Variants in LAMC2 observed in about 807,000 individuals in gnomAD.
The protein encoded by LAMC2 is laminin subunit gamma-2.
Under a neutral mutation model 140.2 loss-of-function variants are expected in LAMC2, and 97 were observed. That is an observed-to-expected ratio of 0.69 (90% CI 0.59 to 0.82). LAMC2 has a LOEUF of 0.82. Among genes scored for constraint, LAMC2 ranks in the 40% least tolerant of loss-of-function variants. LAMC2 has a pLI of 0.00. For missense variants in LAMC2, 1,402 were observed against 1,476.1 expected (o/e 0.95, Z 0.82); for synonymous variants, 513 against 540.2 (o/e 0.95, Z 0.70).
At chr1:183,250,595 C>T in the LAMC2 span, 2 of 152,588 alleles carry the variant, frequency 1.3e-5, no homozygotes, top group East Asian at 3.9e-4. Context: ...TGCTGGCTGA[C>T]CTGGACCAGC....
chr1:183,254,918 T>G, the LAMC2 span, among the ~76,000 whole-genome samples: 2 of 152,230 alleles, frequency 1.3e-5, no homozygotes, highest in Admixed American at 6.5e-5. Context: ...CTTTTTAGTT[T>G]GAAGTCCCAT....
chr1:183,215,653 A>C, intron 3 of LAMC2, 65 bp downstream of exon 3: 1 of 1,592,600 alleles, frequency 6.3e-7, no homozygotes. Context: ...AAACCTTAGC[A>C]AACACTTGTA....
the LAMC2 span, among the ~76,000 whole-genome samples, chr1:183,254,795 T>G: frequency 6.6e-6 from 1 of 152,240 alleles, no homozygotes; most frequent in African/African-American, 2.4e-5. Context: ...TTGTGTAAGT[T>G]CTTTATAAAT....
chr1:183,239,363 G>T lies in LAMC2; in HGVS notation c.2870-1G>T. 1 of 1,613,962 alleles carries T rather than the reference G, an allele frequency of 6.2e-7. No individual in the cohort carries two copies. Among genetic ancestry groups the T allele is most frequent in the Non-Finnish European group, 8.5e-7 (1 of 1,179,932 alleles). On this transcript the variant is annotated splice_acceptor_variant, in intron 19 of 22. Transcript: ENST00000264144. LOFTEE classifies it high-confidence loss of function. ...GCAGTTTTTTCTTTTCTTCATTTCAGAGTTTGACCTGCAGGTGGACAACAG... is the reference window on the plus strand; with the variant it reads ...GCAGTTTTTTCTTTTCTTCATTTCATAGTTTGACCTGCAGGTGGACAACAG...
intron 2 of LAMC2, 61 bp downstream of exon 2, chr1:183,208,130 G>T: frequency 7.0e-7 from 1 of 1,420,916 alleles, no homozygotes. Flanking sequence ...CAAGAGGGAA[G>T]GAAGGAAGGA....
intron 9 of LAMC2, 146 bp downstream of exon 9, chr1:183,227,062 G>A: frequency 1.5e-6 from 1 of 677,236 alleles, no homozygotes; most frequent in Non-Finnish European, 2.5e-6. Flanking sequence ...TGGACATGGT[G>A]CCTTATTACA....
chr1:183,237,254 G>C, intron 17 of LAMC2, 98 bp from the exon 18 acceptor site: 1 of 1,371,820 alleles, frequency 7.3e-7, no homozygotes, highest in Non-Finnish European at 1.0e-6. Context: ...GCTTCTTAAG[G>C]CTGTTGCTAT....
chr1:183,239,694 G>A lies in LAMC2; in HGVS notation c.3069+131G>A, dbSNP rs1388830966. 3.0e-5 allele frequency: 23 copies of A among 778,046 alleles called. 1 individual carries two copies. The highest frequency in any genetic ancestry group is 4.2e-5 in the Non-Finnish European group (20 of 475,358). The allele number at this position is 778,046 out of a possible 1,614,324, so 48.2% of individuals were successfully genotyped here. On this transcript the variant is annotated intron_variant, in intron 20 of 22. Transcript: ENST00000264144. ...CCTGTTGTGGCCCATGGGAGCCCCA[G>A]ATTAAAAGACTATGGTAGCAAAGAC...
Position 183,236,484 on chromosome 1 carries a change from C to T in LAMC2, c.2481C>T (p.Ala827=). 1 of 1,613,898 alleles carries T rather than the reference C, an allele frequency of 6.2e-7. No homozygotes were observed. Among genetic ancestry groups the T allele is most frequent in the Admixed American group, 1.7e-5 (1 of 59,980 alleles). The change falls in exon 17 of 23, where the codon GCC becomes GCT. Residue 827 remains alanine, a synonymous_variant. Coordinates refer to ENST00000264144, the MANE Select transcript of LAMC2 (RefSeq NM_005562.3). Reference sequence around the variant, plus strand: ...GATTGGAGAAAACCAAGTCCCTGGCCCAGCAGTTGACAAGGGAGGCCACTC... The same window carrying T: ...GATTGGAGAAAACCAAGTCCCTGGCTCAGCAGTTGACAAGGGAGGCCACTC... ...VEKLEKTKSL[A]QQLTREATQA...
rs1481289907 is a variant in LAMC2, at chr1:183,237,446, T to C, written c.2696T>C (p.Leu899Pro). The C allele has an allele frequency of 6.8e-6, 11 of 1,614,072 alleles. No homozygotes were observed. Among genetic ancestry groups the C allele is most frequent in the Non-Finnish European group, 9.3e-6 (11 of 1,179,988 alleles). The change falls in exon 18 of 23, where the codon CTG (leucine) becomes CCG (proline). Residue 899 changes from leucine to proline, a missense_variant. Leu to Pro is a moderately conservative substitution (Grantham distance 98, BLOSUM62 -3). This residue lies in a region of LAMC2 where 670 missense variants were observed against 667.2 expected (regional missense o/e 1.00). Coordinates refer to ENST00000264144, the MANE Select transcript of LAMC2 (RefSeq NM_005562.3). ...MDEFKRTQKN[L>P]GNWKEEAQQL... is the part of the protein sequence containing the mutation. ...GAGTTCAAGCGTACACAGAAGAATC[T>C]GGGAAACTGGAAAGAAGAAGCACAG...
intron 2 of LAMC2, among the ~76,000 whole-genome samples, chr1:183,210,996 G>C (rs1002088227): frequency 1.3e-5 from 2 of 152,180 alleles, no homozygotes; most frequent in African/African-American, 4.8e-5. Context: ...ACTTGACAGG[G>C]AAATCTGTTG....
chr1:183,201,906 T>C (rs1442498967), intron 1 of LAMC2, among the ~76,000 whole-genome samples: 2 of 152,164 alleles, frequency 1.3e-5, no homozygotes, highest in Non-Finnish European at 2.9e-5. Context: ...ATCAGTTTCA[T>C]TAAAAATGGC....
At chr1:183,210,502 G>T (rs1355765897) in intron 2 of LAMC2, among the ~76,000 whole-genome samples, 1 of 152,116 alleles carries the variant, frequency 6.6e-6, no homozygotes, top group East Asian at 1.9e-4. Context: ...TTAATGAATG[G>T]CCTAAAGTCT....
chr1:183,238,377 A>G lies in LAMC2; in HGVS notation c.2825A>G (p.Asn942Ser), dbSNP rs1401370547. ...GCACAAGAAGCACTGAGTATGGGCA[A>G]TGCCACTTTTTATGAAGTTGAGAGC... ...SRAQEALSMG[N>S]ATFYEVESIL... The change falls in exon 19 of 23, where the codon AAT becomes AGT. Residue 942 changes from asparagine to serine, a missense_variant. Physicochemically the swap from Asn to Ser is conservative, Grantham distance 46 (BLOSUM62 1). Coordinates refer to ENST00000264144, the MANE Select transcript of LAMC2 (RefSeq NM_005562.3). 5 of 1,613,954 alleles carry G rather than the reference A, an allele frequency of 3.1e-6. No homozygotes were observed. The highest frequency in any genetic ancestry group is 4.2e-6 in the Non-Finnish European group (5 of 1,179,952).
In LAMC2 at chr1:183,232,824, C is replaced by A. The variant is rs371132222; in HGVS notation, c.2187C>A (p.Ser729Arg). The change falls in exon 14 of 23, where the codon AGC becomes AGA. Residue 729 changes from serine to arginine, a missense_variant. Ser to Arg is a moderately radical substitution (Grantham distance 110). Coordinates refer to ENST00000264144, the MANE Select transcript of LAMC2 (RefSeq NM_005562.3). ...THRLITQMQL[S>R]LAESEASLGN... ...GGCTCATCACTCAGATGCAGCTGAG[C>A]CTGGCAGAAAGTGAAGCTTCCTTGG... 3.1e-6 allele frequency: 5 copies of A among 1,613,956 alleles called. No individual in the cohort carries two copies. The highest frequency in any genetic ancestry group is 4.2e-6 in the Non-Finnish European group (5 of 1,179,968).
the LAMC2 span, chr1:183,252,304 C>T: frequency 1.5e-5 from 4 of 260,764 alleles, no homozygotes; most frequent in Admixed American, 5.0e-5. Flanking sequence ...CCAGAGCCGC[C>T]TCCCCAGAGC....
In LAMC2 at chr1:183,243,632, G is replaced by A; in HGVS notation, c.*232G>A. 1.7e-6 allele frequency: 1 copy of A among 578,092 alleles called. No homozygotes were observed. The allele number at this position is 578,092 out of a possible 1,614,324, so 35.8% of individuals were successfully genotyped here. On this transcript the variant is annotated 3_prime_UTR_variant, in exon 23 of 23. Coordinates refer to ENST00000264144, the MANE Select transcript of LAMC2 (RefSeq NM_005562.3). ...GGCAGATAGCACTGGGTGTGAGAAT[G>A]ATCAAGGATCTGGACCCCAAAGAAT...
intron 7 of LAMC2, among the ~76,000 whole-genome samples, chr1:183,225,093 AG>A (rs1659586574): frequency 6.6e-6 from 1 of 152,242 alleles, no homozygotes; most frequent in African/African-American, 2.4e-5. Context: ...AGAACAGCAC[AG>A]GGGCTGGTGA....
intron 2 of LAMC2, 49 bp downstream of exon 2, chr1:183,208,118 G>A (rs1230303516): frequency 6.7e-7 from 1 of 1,485,332 alleles, no homozygotes; most frequent in Non-Finnish European, 9.4e-7. Context: ...GCAGTGGGGA[G>A]ACAAGAGGGA....
Sources: gnomAD v4.1 joint callset for allele counts (sites outside exome capture counted in the v4.1 genomes callset) on GRCh38, gnomAD v4.1.1 for gene constraint, gnomAD v4.1.1 regional missense constraint, MANE v1.5 for transcripts, NCBI Gene and HGNC (gene_info 2026-07-23, HGNC 2026-07-21) for gene names.